The following HHAT variants were observed in gnomAD, a reference collection of about 807,000 sequenced individuals.
The protein encoded by HHAT is protein-cysteine N-palmitoyltransferase HHAT.
A neutral mutation model predicts 70.8 loss-of-function variants in HHAT; 47 were observed. That is an observed-to-expected ratio of 0.66 (90% confidence interval 0.53 to 0.85). The LOEUF is 0.85. Among genes scored for constraint, HHAT ranks in the 40% least tolerant of loss-of-function variants. The pLI is 0.00. For synonymous variants in HHAT, 228 were observed against 247.6 expected (o/e 0.92, Z 0.74); for missense variants, 609 against 604.8 (o/e 1.01, Z -0.07).
intron 8 of HHAT, among the ~76,000 whole-genome samples, chr1:210,490,635 A>G (rs758596985): frequency 2.0e-5 from 3 of 152,200 alleles, no homozygotes; most frequent in Non-Finnish European, 4.4e-5. Flanking sequence ...GATTATTGAG[A>G]TTATTAATCA....
At chr1:210,401,755 A>G (rs2092087363) in intron 5 of HHAT, among the ~76,000 whole-genome samples, 1 of 152,220 alleles carries the variant, frequency 6.6e-6, no homozygotes, top group African/African-American at 2.4e-5. Flanking sequence ...GATGACAGAC[A>G]GACTGCCTTC....
intron 9 of HHAT, among the ~76,000 whole-genome samples, chr1:210,538,075 A>ATTT (rs200582852): frequency 1.4e-5 from 2 of 142,054 alleles, no homozygotes; most frequent in East Asian, 2.0e-4. Context: ...CACATTTTGT[A>ATTT]TTTTTTTTTT....
At chr1:210,446,914 C>T (rs2148380300) in intron 7 of HHAT, among the ~76,000 whole-genome samples, 1 of 152,280 alleles carries the variant, frequency 6.6e-6, no homozygotes, top group South Asian at 2.1e-4. Flanking sequence ...GTCTATGTTC[C>T]ATGGACATAG....
At chr1:210,389,304 C>A (rs755395612) in intron 4 of HHAT, among the ~76,000 whole-genome samples, 1 of 152,206 alleles carries the variant, frequency 6.6e-6, no homozygotes, top group Admixed American at 6.5e-5. Context: ...GCTGACATCG[C>A]GGCAATCCTG....
chr1:210,576,882 C>T (rs1036612579), intron 9 of HHAT, among the ~76,000 whole-genome samples: 23 of 152,220 alleles, frequency 1.5e-4, no homozygotes, highest in African/African-American at 4.8e-4. Context: ...ATGTACAAAT[C>T]TTTGGCCTTC....
At chr1:210,468,047 T>G (rs914179876) in intron 8 of HHAT, among the ~76,000 whole-genome samples, 2 of 152,224 alleles carry the variant, frequency 1.3e-5, no homozygotes, top group African/African-American at 4.8e-5. Flanking sequence ...TGGGTTTGTT[T>G]TTCTTTCCTC....
At chr1:210,469,564 T>C (rs528938611) in intron 8 of HHAT, among the ~76,000 whole-genome samples, 2 of 152,334 alleles carry the variant, frequency 1.3e-5, no homozygotes, top group African/African-American at 2.4e-5. Context: ...ACGGCAGGCA[T>C]GCTGCAGAGA....
chr1:210,409,414 C>T (rs1006642431), intron 6 of HHAT, among the ~76,000 whole-genome samples: 5 of 152,142 alleles, frequency 3.3e-5, no homozygotes, highest in African/African-American at 1.2e-4. Flanking sequence ...GCAGCAACAC[C>T]TGCAGGCCCC....
intron 4 of HHAT, among the ~76,000 whole-genome samples, chr1:210,399,222 G>A (rs1021477013): frequency 6.6e-6 from 1 of 152,116 alleles, no homozygotes; most frequent in East Asian, 1.9e-4. Context: ...TCCTTCCTGT[G>A]TATCCACCCC....
At chr1:210,403,109 T>C (rs563419316) in intron 5 of HHAT, among the ~76,000 whole-genome samples, 76 of 152,364 alleles carry the variant, frequency 5.0e-4, no homozygotes, top group African/African-American at 1.7e-3. Flanking sequence ...CAAGTATTTT[T>C]TGCTGTTTTT....
intron 2 of HHAT, among the ~76,000 whole-genome samples, chr1:210,357,564 A>G (rs1182980527): frequency 3.3e-5 from 5 of 152,176 alleles, no homozygotes; most frequent in Non-Finnish European, 5.9e-5. Flanking sequence ...GCTCACGCCT[A>G]TAATCCCAGC....
intron 5 of HHAT, among the ~76,000 whole-genome samples, chr1:210,401,771 TGA>T (rs1338435399): frequency 1.3e-5 from 2 of 152,186 alleles, no homozygotes; most frequent in Admixed American, 1.3e-4. Context: ...CCTTCTGAGT[TGA>T]GTTTCCTGTG....
chr1:210,373,434 AAG>A (rs2089757967), intron 3 of HHAT, among the ~76,000 whole-genome samples: 1 of 152,212 alleles, frequency 6.6e-6, no homozygotes, highest in South Asian at 2.1e-4. Context: ...CTTTGTTAAA[AAG>A]AAATTAAGCA....
chr1:210,447,489 A>G lies in HHAT; in HGVS notation c.857-17016A>G, dbSNP rs565036944. On this transcript the variant is annotated intron_variant, in intron 7 of 11. Coordinates refer to ENST00000261458, the MANE Select transcript of HHAT (RefSeq NM_018194.6). ...TTGGAGGCTTTAATCATACCCTTGG[A>G]AAGATTTTGCCGATCAGAAAGGGAG... 6.2e-4 allele frequency among the ~76,000 whole-genome samples: 94 copies of G among 152,340 alleles called. 1 individual carries two copies. The highest frequency in any genetic ancestry group is 2.0e-3 in the African/African-American group (82 of 41,584).
chr1:210,426,342 T>G (rs1474304391), intron 7 of HHAT, among the ~76,000 whole-genome samples: 1 of 152,208 alleles, frequency 6.6e-6, no homozygotes, highest in Non-Finnish European at 1.5e-5. Context: ...TTCTTTCTCT[T>G]GCCTGATTGC....
chr1:210,569,664 C>G (rs1342025943), intron 9 of HHAT, among the ~76,000 whole-genome samples: 1 of 152,020 alleles, frequency 6.6e-6, no homozygotes, highest in Non-Finnish European at 1.5e-5. Context: ...GTCAGGTAGC[C>G]AGTAGAGACA....
intron 8 of HHAT, 115 bp from the exon 9 acceptor site, chr1:210,513,038 G>C: frequency 1.5e-6 from 1 of 667,678 alleles, no homozygotes; most frequent in South Asian, 1.8e-5. Flanking sequence ...GAACTACTGT[G>C]GTAGAGCAAT....
At chr1:210,391,876 T>C (rs2091481009) in intron 4 of HHAT, among the ~76,000 whole-genome samples, 1 of 152,100 alleles carries the variant, frequency 6.6e-6, no homozygotes, top group Non-Finnish European at 1.5e-5. Flanking sequence ...TGATTTTTTT[T>C]TCCCCCCTTT....
At chr1:210,436,450 T>A (rs527515505) in intron 7 of HHAT, among the ~76,000 whole-genome samples, 2 of 151,738 alleles carry the variant, frequency 1.3e-5, no homozygotes, top group African/African-American at 4.9e-5. Flanking sequence ...CTATTCGGGG[T>A]CTTTTGTAGT....
Sources: gnomAD v4.1 joint callset for allele counts (sites outside exome capture counted in the v4.1 genomes callset) on GRCh38, gnomAD v4.1.1 for gene constraint, MANE v1.5 for transcripts, NCBI Gene and HGNC (gene_info 2026-07-23, HGNC 2026-07-21) for gene names.